Variants in KCNN2 observed in about 807,000 individuals in gnomAD.
KCNN2 encodes potassium calcium-activated channel subfamily N member 2, also known as small conductance calcium-activated potassium channel protein 2.
KCNN2 carries 24 observed loss-of-function variants against 55.5 expected under a neutral mutation model. The observed-to-expected ratio is 0.43, with a 90% CI of 0.31 to 0.61. KCNN2 has a LOEUF of 0.61. Among genes scored for constraint, KCNN2 ranks in the 20% least tolerant of loss-of-function variants. The probability of loss-of-function intolerance (pLI) is 0.08; values close to 1 mark genes in which losing one functional copy is unlikely to be tolerated. For synonymous variants in KCNN2, 431 were observed against 336.1 expected, an observed-to-expected ratio of 1.28 and a Z score of -3.09; for missense variants, 754 against 853.6, an observed-to-expected ratio of 0.88 and a Z score of 1.45.
At chr5:114,272,402 T>G (rs1483466844) in intron 2 of KCNN2, among the ~76,000 whole-genome samples, 1 of 35,814 alleles carries the variant, frequency 2.8e-5, no homozygotes, top group African/African-American at 6.4e-5. Flanking sequence ...CACATATATG[T>G]ATGTACATAT....
intron 2 of KCNN2, among the ~76,000 whole-genome samples, chr5:114,370,857 A>G (rs1472507939): frequency 6.6e-6 from 1 of 152,162 alleles, no homozygotes; most frequent in Non-Finnish European, 1.5e-5. Flanking sequence ...AAGTCAGTAA[A>G]GAGTTTAAAG....
At position 114,248,471 on chromosome 5, in the gene KCNN2, C is replaced by T. The variant is rs1292582320; in HGVS notation, c.-185+26906C>T. Among the ~76,000 whole-genome samples the T allele has an allele frequency of 2.0e-5, 3 of 152,106 alleles. No homozygotes were observed. In the East Asian group the frequency reaches 5.8e-4, roughly 29 times the overall value. On this transcript the variant is annotated intron_variant, in intron 2 of 10. Transcript: ENST00000512097. ...TATATATGGATCAAAGAGCACAGAA[C>T]ATATCTGAAAGAGGCAGAGAGGATA... is the stretch of plus-strand genomic sequence containing the variant.
chr5:114,270,941 G>T (rs967887594), intron 2 of KCNN2, among the ~76,000 whole-genome samples: 2 of 152,126 alleles, frequency 1.3e-5, no homozygotes, highest in African/African-American at 4.8e-5. Context: ...TGTGGTGAGT[G>T]TTACAGCTCA....
intron 2 of KCNN2, among the ~76,000 whole-genome samples, chr5:114,329,403 G>A (rs1208756514): frequency 6.6e-6 from 1 of 152,194 alleles, no homozygotes; most frequent in Non-Finnish European, 1.5e-5. Flanking sequence ...CTAGAATAAA[G>A]TAGGCAGGAG....
At chr5:114,160,163 A>T (rs576697008) in intron 1 of KCNN2, among the ~76,000 whole-genome samples, 3 of 152,300 alleles carry the variant, frequency 2.0e-5, no homozygotes, top group Admixed American at 2.0e-4. Flanking sequence ...TTCCCTCTAC[A>T]TACTGCTTAG....
chr5:114,437,024 A>G (rs1405859135), intron 3 of KCNN2, among the ~76,000 whole-genome samples: 3 of 151,882 alleles, frequency 2.0e-5, no homozygotes, highest in Non-Finnish European at 4.4e-5. Flanking sequence ...TTTCTTATCT[A>G]TAAAATGTGT....
At chr5:114,124,758 G>A (rs1751897277) in intron 1 of KCNN2, among the ~76,000 whole-genome samples, 1 of 151,972 alleles carries the variant, frequency 6.6e-6, no homozygotes, top group South Asian at 2.1e-4. Context: ...ATTTCTTTCT[G>A]GTCTTCTATC....
intron 1 of KCNN2, among the ~76,000 whole-genome samples, chr5:114,111,492 A>T (rs1751596118): frequency 6.6e-6 from 1 of 152,232 alleles, no homozygotes; most frequent in African/African-American, 2.4e-5. Flanking sequence ...GGATCTAATT[A>T]AACTAAAGAG....
chr5:114,249,286 C>CT (rs375457994), intron 2 of KCNN2, among the ~76,000 whole-genome samples: 189 of 101,412 alleles, frequency 1.9e-3, no homozygotes, highest in Non-Finnish European at 1.7e-3. Context: ...TTCTTTCTTT[C>CT]TTTCTTTTTT....
At chr5:114,266,301 A>C (rs1222813586) in intron 2 of KCNN2, among the ~76,000 whole-genome samples, 1 of 152,096 alleles carries the variant, frequency 6.6e-6, no homozygotes, top group Non-Finnish European at 1.5e-5. Context: ...GGAAGCCACA[A>C]GTGTCTGTTG....
chr5:114,131,697 A>T (rs1335793736), intron 1 of KCNN2, among the ~76,000 whole-genome samples: 1 of 152,202 alleles, frequency 6.6e-6, no homozygotes, highest in East Asian at 1.9e-4. Context: ...TGTCTGAGGA[A>T]TTGCCATACT....
At chr5:114,200,646 G>T (rs574979161) in intron 1 of KCNN2, among the ~76,000 whole-genome samples, 1 of 151,082 alleles carries the variant, frequency 6.6e-6, no homozygotes, top group South Asian at 2.1e-4. Flanking sequence ...GCTGTCACTC[G>T]TTCCATTTTT....
At chr5:114,278,912 A>G (rs1755557543) in intron 2 of KCNN2, among the ~76,000 whole-genome samples, 1 of 152,098 alleles carries the variant, frequency 6.6e-6, no homozygotes, top group Admixed American at 6.5e-5. Context: ...TGAACCAGGT[A>G]ACTCAGTTGG....
At chr5:114,334,128 CA>C (rs1358926992) in intron 2 of KCNN2, among the ~76,000 whole-genome samples, 1 of 152,058 alleles carries the variant, frequency 6.6e-6, no homozygotes, top group Non-Finnish European at 1.5e-5. Flanking sequence ...GATTCTGGGC[CA>C]GTCTTTTTAC....
intron 1 of KCNN2, among the ~76,000 whole-genome samples, chr5:114,172,947 G>A (rs181565845): frequency 5.2e-4 from 79 of 151,744 alleles, no homozygotes; most frequent in Middle Eastern, 6.8e-3. Context: ...ATATGATCCC[G>A]TTTGTCCATT....
intron 2 of KCNN2, among the ~76,000 whole-genome samples, chr5:114,249,608 AT>A (rs978874607): frequency 6.6e-6 from 1 of 151,842 alleles, no homozygotes; most frequent in African/African-American, 2.4e-5. Context: ...TCTAAAAAGA[AT>A]TTTTTCTCTG....
intron 3 of KCNN2, among the ~76,000 whole-genome samples, chr5:114,445,188 C>A (rs1044723131): frequency 6.6e-6 from 1 of 152,112 alleles, no homozygotes; most frequent in Non-Finnish European, 1.5e-5. Flanking sequence ...GGCAGCTGGC[C>A]TTCTTTAGCT....
chr5:114,160,905 C>T (rs1436289527), intron 1 of KCNN2, among the ~76,000 whole-genome samples: 12 of 152,132 alleles, frequency 7.9e-5, no homozygotes, highest in East Asian at 3.9e-4. Context: ...TGTCTCTGCA[C>T]GTGAGATGGG....
chr5:114,147,783 A>G (rs893630387), intron 1 of KCNN2, among the ~76,000 whole-genome samples: 1 of 152,156 alleles, frequency 6.6e-6, no homozygotes, highest in African/African-American at 2.4e-5. Context: ...AGGTGTTTAA[A>G]TTGTCAGTAT....
Sources: allele counts gnomAD v4.1 joint callset (sites outside exome capture counted in the v4.1 genomes callset), GRCh38; gene constraint gnomAD v4.1.1; transcripts MANE v1.5; gene names NCBI Gene and HGNC (gene_info 2026-07-23, HGNC 2026-07-21).